Variants in PPP1R7 observed in about 807,000 individuals in gnomAD.
PPP1R7 encodes the protein protein phosphatase 1 regulatory subunit 22.
PPP1R7 carries 18 observed loss-of-function variants against 45.2 expected under a neutral mutation model. The observed-to-expected ratio is 0.40, with a 90% CI of 0.28 to 0.59. The LOEUF (loss-of-function observed/expected upper bound fraction) is 0.59, where lower values mean the gene tolerates loss of function less well. Ranked by LOEUF, PPP1R7 falls within the 20% of genes least tolerant of loss-of-function variation. PPP1R7 has a pLI of 0.46. For synonymous variants in PPP1R7, 181 were observed against 183.4 expected (o/e 0.99, Z 0.11); for missense variants, 314 against 455.8 (o/e 0.69, Z 2.83).
intron 1 of PPP1R7, among the ~76,000 whole-genome samples, chr2:241,152,206 G>C (rs924436436): frequency 6.6e-6 from 1 of 152,194 alleles, no homozygotes; most frequent in Non-Finnish European, 1.5e-5. Flanking sequence ...ACTTGCTGAG[G>C]CATAGGTGCT....
intron 8 of PPP1R7, among the ~76,000 whole-genome samples, chr2:241,168,633 G>T (rs1436721876): frequency 6.6e-6 from 1 of 152,226 alleles, no homozygotes; most frequent in Non-Finnish European, 1.5e-5. Context: ...CCGAGATGGG[G>T]TGGTTTGAAG....
At chr2:241,152,475 G>C (rs1474676226) in intron 1 of PPP1R7, among the ~76,000 whole-genome samples, 4 of 152,194 alleles carry the variant, frequency 2.6e-5, no homozygotes, top group South Asian at 4.1e-4. Context: ...AAGTAAGTGA[G>C]CCACCGTCAT....
chr2:241,159,828 C>G (rs1006685816), intron 5 of PPP1R7, among the ~76,000 whole-genome samples: 1 of 151,950 alleles, frequency 6.6e-6, no homozygotes, highest in Admixed American at 6.6e-5. Flanking sequence ...CCTAGAAGTT[C>G]GAGATAGCCT....
At chr2:241,174,373 T>C (rs1482925017) in intron 9 of PPP1R7, among the ~76,000 whole-genome samples, 1 of 152,182 alleles carries the variant, frequency 6.6e-6, no homozygotes, top group African/African-American at 2.4e-5. Context: ...TAGCACAGCT[T>C]CATCTTCAGT....
chr2:241,174,736 G>A (rs981248177), intron 9 of PPP1R7, among the ~76,000 whole-genome samples: 13 of 150,512 alleles, frequency 8.6e-5, no homozygotes, highest in South Asian at 4.2e-4. Context: ...GTGCAGTGGC[G>A]CGATCTCAGC....
Position 241,160,390 on chromosome 2 carries a change from C to A in PPP1R7, c.493C>A (p.Arg165=), listed in dbSNP as rs1377318802. The change falls in exon 6 of 10, where the codon CGA becomes AGA. Residue 165 remains arginine (R), a synonymous_variant. Coordinates refer to ENST00000234038, the MANE Select transcript of PPP1R7 (RefSeq NM_002712.3). ...RNIEGVDKLT[R]LKKLFLVNNK... ...CATCGAAGGGGTTGACAAGTTGACA[C>A]GACTGAAAAAACTCTTCTTGGTCAA... 1 of 1,612,490 alleles carries A rather than the reference C, an allele frequency of 6.2e-7. No individual in the cohort carries two copies. The highest frequency in any genetic ancestry group is 1.3e-5 in the African/African-American group (1 of 74,800).
Position 241,183,551 on chromosome 2 carries a change from G to A in PPP1R7, c.*728G>A, listed in dbSNP as rs562496134. 1.1e-4 allele frequency: 49 copies of A among 433,974 alleles called. 2 individuals carry two copies. The highest frequency in any genetic ancestry group is 7.8e-4 in the South Asian group (46 of 59,194). The allele number at this position is 433,974 out of a possible 1,614,324, so 26.9% of individuals were successfully genotyped here. A position where few individuals can be genotyped will look rare whatever the true frequency, so the allele number is the denominator to read the frequency against. On this transcript the variant is annotated 3_prime_UTR_variant, in exon 10 of 10. Transcript: ENST00000234038. Reference sequence around the variant, plus strand: ...AGTCCCATTGAGCCTCTCCAAAGACGGCCTCCAAGGATCTGAACTCTTGGC... The same window carrying A: ...AGTCCCATTGAGCCTCTCCAAAGACAGCCTCCAAGGATCTGAACTCTTGGC...
rs1013232585 is a variant in PPP1R7, at chr2:241,183,651, C to T, written c.*828C>T. On this transcript the variant is annotated 3_prime_UTR_variant, in exon 10 of 10. Coordinates refer to ENST00000234038, the MANE Select transcript of PPP1R7 (RefSeq NM_002712.3). The stretch of plus-strand genomic sequence containing the variant: ...TTAATATAAAATGTACATTGACAGA[C>T]ACCCGAAGTCTGGATTTAATGCTAC... 9.8e-6 allele frequency: 3 copies of T among 304,580 alleles called. No homozygotes were observed. Among genetic ancestry groups the T allele is most frequent in the Non-Finnish European group, 1.9e-5 (3 of 154,872 alleles). 18.9% of individuals were successfully genotyped at this position (304,580 alleles called of 1,614,324 possible). A position where few individuals can be genotyped will look rare whatever the true frequency, so the allele number is the denominator to read the frequency against.
intron 3 of PPP1R7, 131 bp downstream of exon 3, chr2:241,157,993 T>A (rs1445215467): frequency 1.1e-6 from 1 of 881,974 alleles, no homozygotes; most frequent in Non-Finnish European, 1.8e-6. Flanking sequence ...CAGAGTCCCG[T>A]GTTCATGTTT....
chr2:241,150,581 C>A, intron 1 of PPP1R7, 34 bp downstream of exon 1: 1 of 1,573,182 alleles, frequency 6.4e-7, no homozygotes, highest in Non-Finnish European at 8.6e-7. Flanking sequence ...GCCCAAGGGC[C>A]CAGCGGGCGG....
chr2:241,160,492 C>T lies in PPP1R7; in HGVS notation c.595C>T (p.Arg199Trp), dbSNP rs755950913. 6.2e-6 allele frequency: 10 copies of T among 1,600,190 alleles called. No individual in the cohort carries two copies. The highest frequency in any genetic ancestry group is 2.2e-5 in the East Asian group (1 of 44,654). The stretch of plus-strand genomic sequence containing the variant: ...GCTAGAGCTGGGATCTAACCGCATC[C>T]GGGTAGGTGCAGACAGCCCTGACTA... ...QMLELGSNRI[R>W]AIENIDTLTN... Residue 199 changes from arginine (R) to tryptophan (W), a missense_variant and splice_region_variant, in exon 6 of 10, where the codon CGG becomes TGG. Physicochemically the swap from Arg to Trp is moderately radical, Grantham distance 101 (BLOSUM62 -3). Transcript: ENST00000234038.
intron 9 of PPP1R7, among the ~76,000 whole-genome samples, chr2:241,178,643 G>A: frequency 1.2e-5 from 1 of 83,442 alleles, no homozygotes; most frequent in Non-Finnish European, 2.4e-5. Flanking sequence ...TTTTTTTTTA[G>A]ACGGAGTCTG....
chr2:241,181,816 G>A (rs534636665), intron 9 of PPP1R7, among the ~76,000 whole-genome samples: 4 of 152,172 alleles, frequency 2.6e-5, no homozygotes, highest in African/African-American at 7.2e-5. Flanking sequence ...AGCAGTGCCC[G>A]TGCTCTTGCC....
chr2:241,167,340 A>C lies in PPP1R7; in HGVS notation c.819+899A>C, dbSNP rs189107172. Among the ~76,000 whole-genome samples the C allele has an allele frequency of 6.3e-3, 961 of 152,348 alleles. 10 individuals carry two copies. The highest frequency in any genetic ancestry group is 0.021 in the African/African-American group (886 of 41,576). On this transcript the variant is annotated intron_variant, in intron 8 of 9. Coordinates refer to ENST00000234038, the MANE Select transcript of PPP1R7 (RefSeq NM_002712.3). ...CTGCATAAAATTTTGGAAAAATTCA[A>C]ATTTGCCTGTGGAAAGTTTGGTCAC...
chr2:241,166,257 A>C (rs2067706980), intron 7 of PPP1R7, 80 bp from the exon 8 acceptor site: 3 of 1,208,114 alleles, frequency 2.5e-6, no homozygotes, highest in Non-Finnish European at 3.6e-6. Flanking sequence ...TCAAGATAAC[A>C]CAAAACCTCG....
At chr2:241,150,302 C>T (rs1029879904), upstream of PPP1R7, 3 of 1,321,762 alleles carry the variant, frequency 2.3e-6, no homozygotes, top group Non-Finnish European at 2.9e-6. Flanking sequence ...CTGAAATTAC[C>T]TGCTCTGGGG....
At chr2:241,153,695 C>G in intron 2 of PPP1R7, 91 bp downstream of exon 2, 1 of 1,512,590 alleles carries the variant, frequency 6.6e-7, no homozygotes, top group Non-Finnish European at 8.9e-7. Context: ...GGTGCTGTGT[C>G]GGTCTGGAGA....
At position 241,163,421 on chromosome 2, in the gene PPP1R7, G is replaced by GC. The variant is rs1435464382; in HGVS notation, c.714+23dup. On this transcript the variant is annotated intron_variant, in intron 7 of 9. Transcript: ENST00000234038. ...ATGCAGGTACGGAGCTTCCTGAGCC[G>GC]CCCTTCCCTGCGAGCCCTGGCAGGG... 6.5e-7 allele frequency: 1 copy of GC among 1,546,700 alleles called. No individual in the cohort carries two copies. Among genetic ancestry groups the GC allele is most frequent in the African/African-American group, 1.4e-5 (1 of 73,278 alleles).
intron 9 of PPP1R7, among the ~76,000 whole-genome samples, chr2:241,178,862 T>C: frequency 6.7e-6 from 1 of 149,732 alleles, no homozygotes; most frequent in East Asian, 2.0e-4. Context: ...GCATCTCCTT[T>C]GTTAAACTGT....
Sources: gnomAD v4.1 joint callset for allele counts (sites outside exome capture counted in the v4.1 genomes callset) on GRCh38, gnomAD v4.1.1 for gene constraint, MANE v1.5 for transcripts, NCBI Gene and HGNC (gene_info 2026-07-23, HGNC 2026-07-21) for gene names.